The following SLC13A3 variants were observed in gnomAD, a reference collection of about 807,000 sequenced individuals.
SLC13A3 encodes Na(+)/dicarboxylate cotransporter 3.
In SLC13A3, 40 loss-of-function variants were observed where a neutral mutation model predicts 59.0. The observed-to-expected ratio is 0.68, with a 90% confidence interval of 0.53 to 0.88. SLC13A3 has a LOEUF of 0.88. Ranked by LOEUF, SLC13A3 falls within the 40% of genes least tolerant of loss-of-function variation. SLC13A3 has a pLI of 0.00. For synonymous variants in SLC13A3, 317 were observed against 330.3 expected, an observed-to-expected ratio of 0.96 and a Z score of 0.44; for missense variants, 699 against 783.2, an observed-to-expected ratio of 0.89 and a Z score of 1.28.
intron 6 of SLC13A3, among the ~76,000 whole-genome samples, chr20:46,591,370 T>C (rs919394616): frequency 6.6e-6 from 1 of 152,220 alleles, no homozygotes. Context: ...GGGTTCTCAC[T>C]GCATACCTCT....
At chr20:46,560,970 T>G (rs1192818424) in intron 12 of SLC13A3, among the ~76,000 whole-genome samples, 1 of 152,150 alleles carries the variant, frequency 6.6e-6, no homozygotes, top group Non-Finnish European at 1.5e-5. Flanking sequence ...AAGTCTCTCT[T>G]AGGGGTGTGA....
intron 1 of SLC13A3, among the ~76,000 whole-genome samples, chr20:46,616,414 A>G (rs2062555011): frequency 6.6e-6 from 1 of 152,044 alleles, no homozygotes. Flanking sequence ...CGATTTGGGG[A>G]TTCAATGGCA....
intron 1 of SLC13A3, among the ~76,000 whole-genome samples, chr20:46,642,598 G>T (rs988075639): frequency 1.3e-5 from 2 of 152,104 alleles, no homozygotes; most frequent in African/African-American, 4.8e-5. Context: ...CCTGCTCCTG[G>T]CCTCTTGCGC....
chr20:46,608,845 G>C, intron 3 of SLC13A3: 2 of 1,533,694 alleles, frequency 1.3e-6, no homozygotes, highest in Non-Finnish European at 1.8e-6. Context: ...GGGCAGATCT[G>C]CCATCTATCT....
chr20:46,652,335 G>C (rs773870751), upstream of SLC13A3, among the ~76,000 whole-genome samples: 13 of 152,178 alleles, frequency 8.5e-5, no homozygotes, highest in Non-Finnish European at 1.9e-4. Flanking sequence ...GTGTCTGGCA[G>C]AGCAGGTGCT....
intron 1 of SLC13A3, among the ~76,000 whole-genome samples, chr20:46,616,893 TC>T (rs762456662): frequency 5.3e-5 from 8 of 152,192 alleles, no homozygotes; most frequent in Non-Finnish European, 1.0e-4. Context: ...AAAGGGGCCT[TC>T]CTGAAGACAT....
At chr20:46,594,811 A>G (rs554513208) in intron 5 of SLC13A3, among the ~76,000 whole-genome samples, 6 of 151,500 alleles carry the variant, frequency 4.0e-5, no homozygotes, top group South Asian at 2.1e-4. Context: ...AAATCAAAGC[A>G]TTTTGGAAGC....
chr20:46,600,309 A>G (rs967734416), intron 3 of SLC13A3, among the ~76,000 whole-genome samples: 2,219 of 88,290 alleles, frequency 0.025, 27 homozygotes, highest in Middle Eastern at 0.038. Flanking sequence ...GAAAGAAAGA[A>G]AGAGGGAAGG....
rs1462701650 is a variant in SLC13A3, at chr20:46,613,391, G to C, written c.377+69C>G. The stretch of plus-strand genomic sequence containing the variant: ...CTGGACGAGTAAATCAAGAAGAGCA[G>C]GTATAGGCTCCAGAGGTGTGGTCCC... On this transcript the variant is annotated intron_variant, in intron 2 of 12. Transcript: ENST00000279027. The C allele has an allele frequency of 2.9e-6, 4 of 1,392,288 alleles. No homozygotes were observed. In the Admixed American group the frequency reaches 8.1e-5, roughly 28 times the overall value. 86.2% of individuals were successfully genotyped at this position (1,392,288 alleles called of 1,614,324 possible).
intron 8 of SLC13A3, chr20:46,585,574 G>C (rs2062182752): frequency 9.0e-7 from 1 of 1,110,556 alleles, no homozygotes; most frequent in Admixed American, 4.9e-5. Context: ...AGTTTAACAA[G>C]TCTTGACAAA....
Position 46,559,848 on chromosome 20 carries a change from A to G in SLC13A3, c.*174T>C, listed in dbSNP as rs1293082517. 9.9e-6 allele frequency: 6 copies of G among 604,284 alleles called. No individual in the cohort carries two copies. The highest frequency in any genetic ancestry group is 1.4e-5 in the Non-Finnish European group (5 of 347,486). The allele number at this position is 604,284 out of a possible 1,614,324, so 37.4% of individuals were successfully genotyped here. A position where few individuals can be genotyped will look rare whatever the true frequency, so the allele number is the denominator to read the frequency against. On this transcript the variant is annotated 3_prime_UTR_variant, in exon 13 of 13. Coordinates refer to ENST00000279027, the MANE Select transcript of SLC13A3 (RefSeq NM_022829.6). ...GCTTTGAACTGCATGAAAGAGAGAG[A>G]AAGTATCCTAGATAATGGCTCATGG...
At chr20:46,671,360 A>G (rs2063090521), upstream of SLC13A3, among the ~76,000 whole-genome samples, 1 of 152,050 alleles carries the variant, frequency 6.6e-6, no homozygotes, top group African/African-American at 2.4e-5. Flanking sequence ...CCTTCACCCT[A>G]TATTTGTTTC....
intron 10 of SLC13A3, among the ~76,000 whole-genome samples, chr20:46,575,217 A>G (rs2062063463): frequency 6.6e-6 from 1 of 152,186 alleles, no homozygotes; most frequent in African/African-American, 2.4e-5. Context: ...GCCTGAAGCC[A>G]TCCTTCCACC....
chr20:46,625,698 G>GAATC (rs1227448194), intron 1 of SLC13A3, among the ~76,000 whole-genome samples: 1 of 152,130 alleles, frequency 6.6e-6, no homozygotes, highest in East Asian at 1.9e-4. Context: ...GGATATAATG[G>GAATC]AATCATACAG....
At position 46,677,157 on chromosome 20, in the gene SLC13A3, G is replaced by A. The variant is rs549827497; in HGVS notation, c.-31+7239C>T. On this transcript the variant is annotated intron_variant, in intron 1 of 6. Transcript: ENST00000372121. Reference sequence around the variant, plus strand: ...TTGAACTCCTGACCTCAGGTGATCCGCCCACCTCGGCATTCCAAAGTGCTG... The same window carrying A: ...TTGAACTCCTGACCTCAGGTGATCCACCCACCTCGGCATTCCAAAGTGCTG... Among the ~76,000 whole-genome samples, 5 of 152,228 alleles carry A rather than the reference G, an allele frequency of 3.3e-5. 1 individual carries two copies. The South Asian group carries it at 6.2e-4, about 19-fold the overall frequency.
intron 9 of SLC13A3, 29 bp downstream of exon 9, chr20:46,583,543 C>T (rs1377019090): frequency 6.2e-7 from 1 of 1,611,274 alleles, no homozygotes; most frequent in East Asian, 2.2e-5. Context: ...TCACTGAGCC[C>T]ACCGAGACCC....
At chr20:46,635,410 G>A (rs2062785779) in intron 1 of SLC13A3, among the ~76,000 whole-genome samples, 1 of 152,200 alleles carries the variant, frequency 6.6e-6, no homozygotes, top group Admixed American at 6.5e-5. Context: ...TGCACTTGCT[G>A]TTCCCTATGC....
rs1414460794 is a variant in SLC13A3, at chr20:46,583,656, C to T, written c.1135G>A (p.Ala379Thr). 9 of 1,613,984 alleles carry T rather than the reference C, an allele frequency of 5.6e-6. No homozygotes were observed. The highest frequency in any genetic ancestry group is 7.6e-6 in the Non-Finnish European group (9 of 1,180,022). ...SLFNPGFLSDAVTGVAIVTIL... is the reference protein window; with the variant it reads ...SLFNPGFLSDTVTGVAIVTIL... ...GTGACAATAGCCACGCCGGTGACAG[C>T]ATCAGAAAGAAACCTACAATGAGAA... The change falls in exon 9 of 13, where the codon GCT (alanine) becomes ACT (threonine). Residue 379 changes from alanine (A) to threonine (T), a missense_variant. By Grantham distance (58) the Ala-to-Thr change is moderately conservative (BLOSUM62 0). Transcript: ENST00000279027.
chr20:46,633,305 G>A (rs984030709), intron 1 of SLC13A3, among the ~76,000 whole-genome samples: 6 of 152,152 alleles, frequency 3.9e-5, no homozygotes, highest in Admixed American at 6.5e-5. Flanking sequence ...ACCTCCACTT[G>A]GAAAGAGGAG....
Sources: allele counts gnomAD v4.1 joint callset (sites outside exome capture counted in the v4.1 genomes callset), GRCh38; gene constraint gnomAD v4.1.1; transcripts MANE v1.5; gene names NCBI Gene and HGNC (gene_info 2026-07-23, HGNC 2026-07-21).